SPATA13: variants seen among roughly 807,000 people sequenced by gnomAD.
SPATA13 encodes spermatogenesis-associated protein 13.
SPATA13 carries 50 observed loss-of-function variants against 104.0 expected under a neutral mutation model. The observed-to-expected ratio is 0.48, with a 90% CI of 0.38 to 0.61. SPATA13 has a LOEUF of 0.61. SPATA13 is among the 20% of genes least tolerant of loss of function. The pLI is 0.00. For missense variants in SPATA13, 1,524 were observed against 1,690.6 expected, an observed-to-expected ratio of 0.90 and a Z score of 1.73; for synonymous variants, 606 against 667.5, an observed-to-expected ratio of 0.91 and a Z score of 1.42.
At chr13:24,093,595 T>G (rs1371464040) in intron 3 of SPATA13, among the ~76,000 whole-genome samples, 1 of 152,216 alleles carries the variant, frequency 6.6e-6, no homozygotes, top group Non-Finnish European at 1.5e-5. Context: ...GTTTGTTTCT[T>G]CTGTGCTAAA....
At chr13:24,213,905 A>G (rs773694214) in intron 1 of SPATA13, among the ~76,000 whole-genome samples, 2 of 152,354 alleles carry the variant, frequency 1.3e-5, no homozygotes, top group Non-Finnish European at 2.9e-5. Flanking sequence ...TCTGGTATTT[A>G]TTATCTGAGT....
intron 1 of SPATA13, among the ~76,000 whole-genome samples, chr13:24,218,948 T>C (rs536726320): frequency 6.6e-6 from 1 of 151,876 alleles, no homozygotes; most frequent in Non-Finnish European, 1.5e-5. Context: ...AGCTTTTTTG[T>C]TTGTTTGTTT....
chr13:24,170,135 A>T (rs555107993), intron 1 of SPATA13, among the ~76,000 whole-genome samples: 170 of 152,326 alleles, frequency 1.1e-3, no homozygotes, highest in African/African-American at 3.8e-3. Flanking sequence ...GGGATAGGTC[A>T]AATCATGCTC....
At chr13:24,024,922 A>T (rs1313848775) in intron 3 of SPATA13, among the ~76,000 whole-genome samples, 1 of 149,826 alleles carries the variant, frequency 6.7e-6, no homozygotes, top group East Asian at 1.9e-4. Flanking sequence ...AATTTTAAAA[A>T]CATTCAAATT....
intron 2 of SPATA13, among the ~76,000 whole-genome samples, chr13:24,233,363 G>A (rs1872388272): frequency 6.6e-6 from 1 of 152,204 alleles, no homozygotes; most frequent in Non-Finnish European, 1.5e-5. Context: ...GGGTAGACAT[G>A]CAACAGATAT....
intron 3 of SPATA13, among the ~76,000 whole-genome samples, chr13:24,135,697 C>CAA (rs34145507): frequency 0.025 from 2,085 of 82,182 alleles, 67 homozygotes; most frequent in African/African-American, 0.093. Flanking sequence ...GAATCCGTCT[C>CAA]AAAAAAAAAA....
In SPATA13 at chr13:24,110,900, G is replaced by A. The variant is rs140185471; in HGVS notation, c.-112+93199G>A. ...TATGTTTGCACCATCTCTGCGCATAGCATATTCTTGATTATCTCTTTTTAT... is the reference window on the plus strand; with the variant it reads ...TATGTTTGCACCATCTCTGCGCATAACATATTCTTGATTATCTCTTTTTAT... On this transcript the variant is annotated intron_variant, in intron 3 of 14. Transcript: ENST00000424834. 2.5e-3 allele frequency among the ~76,000 whole-genome samples: 387 copies of A among 152,154 alleles called. 5 individuals carry two copies. The highest frequency in any genetic ancestry group is 8.9e-3 in the African/African-American group (369 of 41,436).
At chr13:24,222,360 G>T (rs7334520) in intron 1 of SPATA13, among the ~76,000 whole-genome samples, 12 of 151,994 alleles carry the variant, frequency 7.9e-5, no homozygotes, top group Non-Finnish European at 1.3e-4. Context: ...TTATTCCTGC[G>T]TGTGCCAGCA....
At chr13:24,214,140 G>A (rs1244735286) in intron 1 of SPATA13, among the ~76,000 whole-genome samples, 4 of 152,226 alleles carry the variant, frequency 2.6e-5, no homozygotes, top group Non-Finnish European at 5.9e-5. Flanking sequence ...GAGGCAGCAG[G>A]ATGACTGCAG....
At chr13:24,270,633 C>A in intron 4 of SPATA13, 1 of 936,622 alleles carries the variant, frequency 1.1e-6, no homozygotes, top group Non-Finnish European at 1.5e-6. Context: ...AAGTCCCCCG[C>A]AATGTCACTG....
intron 3 of SPATA13, among the ~76,000 whole-genome samples, chr13:24,091,067 C>T (rs1879894035): frequency 6.6e-6 from 1 of 152,224 alleles, no homozygotes; most frequent in South Asian, 2.1e-4. Flanking sequence ...GACTTCCTTA[C>T]ATGCATTGAA....
chr13:24,158,640 G>A (rs1458682915), upstream of SPATA13, among the ~76,000 whole-genome samples: 1 of 152,140 alleles, frequency 6.6e-6, no homozygotes, highest in Non-Finnish European at 1.5e-5. Flanking sequence ...GCGCTCAAAA[G>A]GTTTTCACTG....
intron 3 of SPATA13, among the ~76,000 whole-genome samples, chr13:24,111,684 A>G (rs1360338974): frequency 1.3e-5 from 2 of 152,184 alleles, no homozygotes; most frequent in Non-Finnish European, 2.9e-5. Context: ...GGAATTATAG[A>G]CATGAGCCGC....
intron 3 of SPATA13, among the ~76,000 whole-genome samples, chr13:24,132,695 C>T (rs1489584866): frequency 2.0e-5 from 3 of 152,074 alleles, no homozygotes; most frequent in African/African-American, 4.8e-5. Flanking sequence ...AAAGGATGGC[C>T]GGGCATGGTG....
In SPATA13 at chr13:24,303,307, T is replaced by C. The variant is rs11149059; in HGVS notation, c.*534T>C. 0.24 allele frequency: 86,357 copies of C among 353,104 alleles called. 11,672 individuals carry two copies. The highest frequency in any genetic ancestry group is 0.54 in the East Asian group (5,945 of 11,038). The allele number at this position is 353,104 out of a possible 1,614,324, so 21.9% of individuals were successfully genotyped here. Reference sequence around the variant, plus strand: ...GGGGGACCTACAGCTGCCGTGGGGCTGACCACGGTGTTCCCTGGCATCGTC... The same window carrying C: ...GGGGGACCTACAGCTGCCGTGGGGCCGACCACGGTGTTCCCTGGCATCGTC... On this transcript the variant is annotated 3_prime_UTR_variant, in exon 13 of 13. Coordinates refer to ENST00000382108, the MANE Select transcript of SPATA13 (RefSeq NM_001166271.3).
intron 3 of SPATA13, among the ~76,000 whole-genome samples, chr13:24,042,569 A>T (rs111589073): frequency 6.6e-6 from 1 of 152,320 alleles, no homozygotes; most frequent in East Asian, 1.9e-4. Context: ...GCGCACATCT[A>T]TGCCCGTGCG....
chr13:24,294,650 A>T, intron 9 of SPATA13, 89 bp from the exon 10 acceptor site: 2 of 1,421,770 alleles, frequency 1.4e-6, no homozygotes, highest in South Asian at 1.4e-5. Context: ...GAGCATTCGT[A>T]TACGAAGAAG....
At chr13:24,002,959 G>C (rs932675823) in intron 2 of SPATA13, among the ~76,000 whole-genome samples, 3 of 142,286 alleles carry the variant, frequency 2.1e-5, no homozygotes, top group East Asian at 3.8e-4. Context: ...TTCTGAATGT[G>C]GGGGGTGAAC....
chr13:24,255,204 AG>A (rs896853016), intron 4 of SPATA13, among the ~76,000 whole-genome samples: 7 of 152,200 alleles, frequency 4.6e-5, no homozygotes, highest in Non-Finnish European at 8.8e-5. Context: ...CTGAGGACAC[AG>A]TCACCAGGCT....
Sources: gnomAD v4.1 joint callset for allele counts (sites outside exome capture counted in the v4.1 genomes callset) on GRCh38, gnomAD v4.1.1 for gene constraint, MANE v1.5 for transcripts, NCBI Gene and HGNC (gene_info 2026-07-23, HGNC 2026-07-21) for gene names.